Variants in SLC9C1 observed in about 807,000 individuals in gnomAD.
SLC9C1 encodes sodium/hydrogen exchanger 10.
A neutral mutation model predicts 140.9 loss-of-function variants in SLC9C1; 97 were observed. The observed-to-expected ratio is 0.69, with a 90% CI of 0.58 to 0.82. SLC9C1 has a LOEUF of 0.82. Ranked by LOEUF, SLC9C1 falls within the 40% of genes least tolerant of loss-of-function variation. The probability of loss-of-function intolerance (pLI) is 0.00; values close to 1 mark genes in which losing one functional copy is unlikely to be tolerated. For synonymous variants in SLC9C1, 440 were observed against 442.6 expected (o/e 0.99, Z 0.07); for missense variants, 1,340 against 1,389.3 (o/e 0.96, Z 0.56).
At chr3:112,271,409 A>ATATATATATATATATC (rs1013241776) in intron 6 of SLC9C1, among the ~76,000 whole-genome samples, 11 of 149,294 alleles carry the variant, frequency 7.4e-5, no homozygotes, top group East Asian at 6.0e-4. Context: ...ATATATATAT[A>ATATATATATATATATC]TCAAAGCCTC....
At position 112,194,892 on chromosome 3, in the gene SLC9C1, GTCAAAC is replaced by G. The variant is rs574906383; in HGVS notation, c.2523+4423_2523+4428del. 2.4e-3 allele frequency among the ~76,000 whole-genome samples: 369 copies of G among 151,848 alleles called. 1 individual carries two copies. The highest frequency in any genetic ancestry group is 0.014 in the Middle Eastern group (4 of 292). On this transcript the variant is annotated intron_variant, in intron 20 of 28. Transcript: ENST00000305815. The stretch of plus-strand genomic sequence containing the variant: ...TTGCATTTCCATAATGATGAATGAT[GTCAAAC>G]TCATTATATTTTCATGTTGTTATTG...
chr3:112,148,857 C>A (rs2074878659), intron 28 of SLC9C1, among the ~76,000 whole-genome samples: 1 of 152,120 alleles, frequency 6.6e-6, no homozygotes, highest in Admixed American at 6.6e-5. Context: ...AATAGAGAAT[C>A]CAGTGAGTGT....
At chr3:112,222,157 A>G (rs2108128214) in intron 13 of SLC9C1, among the ~76,000 whole-genome samples, 1 of 152,322 alleles carries the variant, frequency 6.6e-6, no homozygotes, top group Non-Finnish European at 1.5e-5. Context: ...TATTCTTAGT[A>G]TCCTCAAGAT....
chr3:112,147,809 A>G (rs1576199013), intron 28 of SLC9C1, among the ~76,000 whole-genome samples: 1 of 152,180 alleles, frequency 6.6e-6, no homozygotes, highest in East Asian at 1.9e-4. Context: ...GGATGTCTAC[A>G]TCTCTAGCAA....
chr3:112,153,823 C>T (rs926292160), intron 27 of SLC9C1, among the ~76,000 whole-genome samples: 1 of 152,102 alleles, frequency 6.6e-6, no homozygotes. Flanking sequence ...AGATTCTTGG[C>T]CCTTATGCTA....
At chr3:112,177,587 A>G (rs559617246) in intron 23 of SLC9C1, among the ~76,000 whole-genome samples, 2 of 150,364 alleles carry the variant, frequency 1.3e-5, no homozygotes, top group East Asian at 3.9e-4. Flanking sequence ...TCCTAAGCAG[A>G]GGATCGGGGT....
intron 23 of SLC9C1, among the ~76,000 whole-genome samples, chr3:112,175,470 T>C (rs1041705192): frequency 6.6e-6 from 1 of 152,188 alleles, no homozygotes; most frequent in Non-Finnish European, 1.5e-5. Flanking sequence ...CATGTTTTCA[T>C]AGAGCAGCTG....
chr3:112,280,920 C>A (rs1290495920), intron 2 of SLC9C1, 137 bp from the exon 3 acceptor site: 4 of 717,370 alleles, frequency 5.6e-6, no homozygotes, highest in Non-Finnish European at 9.6e-6. Context: ...CTCCCTCACA[C>A]TTATCAGCAC....
At chr3:112,282,019 AACAATTAACAGCAGAAATG>A (rs1445726316) in intron 2 of SLC9C1, among the ~76,000 whole-genome samples, 1 of 152,240 alleles carries the variant, frequency 6.6e-6, no homozygotes, top group East Asian at 1.9e-4. Context: ...GAAGAAAACC[AACAATTAACAGCAGAAATG>A]ACAACCAACA....
chr3:112,221,205 G>A lies in SLC9C1; in HGVS notation c.1593C>T (p.Tyr531=). 1 of 1,613,388 alleles carries A rather than the reference G, an allele frequency of 6.2e-7. No homozygotes were observed. Among genetic ancestry groups the A allele is most frequent in the Non-Finnish European group, 8.5e-7 (1 of 1,179,632 alleles). The change falls in exon 14 of 29, where the codon TAC becomes TAT. Residue 531 remains tyrosine, a synonymous_variant. Transcript: ENST00000305815. The part of the protein sequence containing the change: ...SAQIASYQRQ[Y]RNEILSQSAV... Reference sequence around the variant, plus strand: ...CACTCTGGGACAGAATCTCATTCCTGTATTGTCTCTGGTAGCTTGCCTAAA... The same window carrying A: ...CACTCTGGGACAGAATCTCATTCCTATATTGTCTCTGGTAGCTTGCCTAAA...
chr3:112,159,750 G>A lies in SLC9C1; in HGVS notation c.3365-4701C>T, dbSNP rs183518093. On this transcript the variant is annotated intron_variant, in intron 26 of 28. Coordinates refer to ENST00000305815, the MANE Select transcript of SLC9C1 (RefSeq NM_183061.3). ...ATATCTGGGGACTCTGATGTTTAGC[G>A]CATACGTATATTGACAATTGTTATA... 3.8e-4 allele frequency among the ~76,000 whole-genome samples: 58 copies of A among 152,022 alleles called. 1 individual carries two copies. Among genetic ancestry groups the A allele is most frequent in the Middle Eastern group, 3.4e-3 (1 of 294 alleles).
intron 26 of SLC9C1, among the ~76,000 whole-genome samples, chr3:112,155,902 T>C (rs1433171020): frequency 2.0e-5 from 3 of 152,118 alleles, no homozygotes; most frequent in Non-Finnish European, 4.4e-5. Flanking sequence ...GCTGTACATA[T>C]TTTGGGGGTA....
At chr3:112,149,836 G>C (rs140452392) in intron 28 of SLC9C1, among the ~76,000 whole-genome samples, 1 of 152,056 alleles carries the variant, frequency 6.6e-6, no homozygotes, top group African/African-American at 2.4e-5. Flanking sequence ...TCCAGGAAGG[G>C]TGGGATGGCT....
intron 11 of SLC9C1, among the ~76,000 whole-genome samples, chr3:112,242,801 A>G (rs2079172648): frequency 6.6e-6 from 1 of 152,142 alleles, no homozygotes; most frequent in Admixed American, 6.5e-5. Context: ...ATAAATATAT[A>G]CAACTACTAT....
intron 16 of SLC9C1, among the ~76,000 whole-genome samples, chr3:112,206,394 G>A (rs563117186): frequency 1.3e-5 from 2 of 152,144 alleles, no homozygotes; most frequent in African/African-American, 4.8e-5. Context: ...TACACTGTTG[G>A]TGGGAGTAGA....
At position 112,191,263 on chromosome 3, in the gene SLC9C1, G is replaced by C. The variant is rs144569597; in HGVS notation, c.2523+8058C>G. On this transcript the variant is annotated intron_variant, in intron 20 of 28. Coordinates refer to ENST00000305815, the MANE Select transcript of SLC9C1 (RefSeq NM_183061.3). ...ATGTTGAAAATAAGTGGGGAGAGAG[G>C]ACGTTTCTTTTCTTCTCTCTGATTT... Among the ~76,000 whole-genome samples, 1,166 of 152,110 alleles carry C rather than the reference G, an allele frequency of 7.7e-3. 18 individuals carry two copies. The highest frequency in any genetic ancestry group is 0.025 in the African/African-American group (1,046 of 41,518).
intron 28 of SLC9C1, among the ~76,000 whole-genome samples, chr3:112,147,760 G>T (rs1275973410): frequency 1.3e-5 from 2 of 152,048 alleles, no homozygotes; most frequent in African/African-American, 4.8e-5. Flanking sequence ...ATGTGTTGGG[G>T]ACGTTCATTT....
chr3:112,196,603 C>T (rs1342901889), intron 20 of SLC9C1, among the ~76,000 whole-genome samples: 6 of 152,084 alleles, frequency 3.9e-5, no homozygotes, highest in Non-Finnish European at 7.4e-5. Context: ...CATGTAATTT[C>T]CAGTGACCTA....
At position 112,169,180 on chromosome 3, in the gene SLC9C1, A is replaced by G; in HGVS notation, c.3051+17T>C. Reference sequence around the variant, plus strand: ...CATTCAAAGAAAGAAAGACAAGTTTATACAAGCACTTCCTACCTCATAAGA... The same window carrying G: ...CATTCAAAGAAAGAAAGACAAGTTTGTACAAGCACTTCCTACCTCATAAGA... On this transcript the variant is annotated intron_variant, in intron 24 of 28. Transcript: ENST00000305815. 1 of 1,605,662 alleles carries G rather than the reference A, an allele frequency of 6.2e-7. No homozygotes were observed. The highest frequency in any genetic ancestry group is 2.2e-5 in the East Asian group (1 of 44,700).
Sources: gnomAD v4.1 joint callset for allele counts (sites outside exome capture counted in the v4.1 genomes callset) on GRCh38, gnomAD v4.1.1 for gene constraint, MANE v1.5 for transcripts, NCBI Gene and HGNC (gene_info 2026-07-23, HGNC 2026-07-21) for gene names.